BTBD2: variants seen among roughly 807,000 people sequenced by gnomAD.
BTBD2 encodes the protein BTB/POZ domain-containing protein 2.
In BTBD2, 15 loss-of-function variants were observed where a neutral mutation model predicts 44.0. The ratio of observed to expected loss-of-function variants is 0.34; its 90% confidence interval spans 0.23 to 0.53. BTBD2 has a LOEUF of 0.53. Among genes scored for constraint, BTBD2 ranks in the 20% least tolerant of loss-of-function variants. The pLI is 0.95. For synonymous variants in BTBD2, 443 were observed against 335.9 expected (o/e 1.32, Z -3.49); for missense variants, 657 against 746.4 (o/e 0.88, Z 1.39).
intron 1 of BTBD2, chr19:2,013,696 T>G (rs1423407936): frequency 3.2e-5 from 31 of 981,882 alleles, no homozygotes. Flanking sequence ...TGATCTGGAC[T>G]GCAGGGCGGG....
intron 1 of BTBD2, among the ~76,000 whole-genome samples, chr19:2,010,388 C>T (rs1475350655): frequency 1.3e-5 from 2 of 152,162 alleles, no homozygotes; most frequent in African/African-American, 2.4e-5. Context: ...CCAGAAGCCG[C>T]GTGCAACCCC....
At chr19:1,997,537 C>T (rs2016267826) in intron 1 of BTBD2, 74 bp from the exon 2 acceptor site, 2 of 1,589,150 alleles carry the variant, frequency 1.3e-6, no homozygotes, top group African/African-American at 2.7e-5. Flanking sequence ...AGCCCGGTAT[C>T]CTGGGTGACC....
At chr19:1,991,627 G>A (rs1198957066) in intron 3 of BTBD2, among the ~76,000 whole-genome samples, 2 of 152,174 alleles carry the variant, frequency 1.3e-5, no homozygotes, top group South Asian at 2.1e-4. Context: ...CAGGATGGAG[G>A]GGGAGAAGGT....
chr19:1,991,058 CAAGG>C (rs1423788036), intron 3 of BTBD2: 3 of 469,830 alleles, frequency 6.4e-6, no homozygotes, highest in Admixed American at 7.5e-5. Flanking sequence ...CCTCAGAGGC[CAAGG>C]AAGGAAGAAA....
At position 2,014,764 on chromosome 19, in the gene BTBD2, C is replaced by A. The variant is rs533551764; in HGVS notation, c.407+533G>T. 568 of 154,452 alleles carry A rather than the reference C, an allele frequency of 3.7e-3. 14 individuals are homozygous for A. Among genetic ancestry groups the A allele is most frequent in the Non-Finnish European group, 6.7e-4 (48 of 71,494 alleles). 9.6% of individuals were successfully genotyped at this position (154,452 alleles called of 1,614,324 possible). A position where few individuals can be genotyped will look rare whatever the true frequency, so the allele number is the denominator to read the frequency against. ...GGAGGGTCCCAGGAACGGAGGGTAC[C>A]GGAGTGCAGGCTGGGTGGGTCCAGG... On this transcript the variant is annotated intron_variant, in intron 1 of 8. Coordinates refer to ENST00000255608, the MANE Select transcript of BTBD2 (RefSeq NM_017797.4).
At chr19:2,013,643 G>C in intron 1 of BTBD2, 1 of 987,266 alleles carries the variant, frequency 1.0e-6, no homozygotes, top group Non-Finnish European at 1.2e-6. Context: ...GTCTCTGGCT[G>C]AGGTGGGGGT....
chr19:2,005,913 C>A lies in BTBD2; in HGVS notation c.408-8450G>T, dbSNP rs565118828. The stretch of plus-strand genomic sequence containing the variant: ...AGACCAGCCTGAGCAACACAGCAGA[C>A]CCCATCTCTACTAAACAGAAAAAAA... On this transcript the variant is annotated intron_variant, in intron 1 of 8. Coordinates refer to ENST00000255608, the MANE Select transcript of BTBD2 (RefSeq NM_017797.4). Among the ~76,000 whole-genome samples, 12 of 152,080 alleles carry A rather than the reference C, an allele frequency of 7.9e-5. No individual in the cohort carries two copies. In the South Asian group the frequency reaches 2.5e-3, roughly 32 times the overall value.
intron 7 of BTBD2, 39 bp from the exon 8 acceptor site, chr19:1,987,015 A>C: frequency 6.3e-7 from 1 of 1,599,880 alleles, no homozygotes; most frequent in Non-Finnish European, 8.5e-7. Flanking sequence ...AGGCCTGGGG[A>C]GGGCCAACGG....
rs2016204727 is a variant in BTBD2 at position 1,993,170 on chromosome 19, G to A, written c.534C>T (p.Leu178=). The A allele has an allele frequency of 1.9e-6, 3 of 1,600,384 alleles. No individual in the cohort carries two copies. Among genetic ancestry groups the A allele is most frequent in the Non-Finnish European group, 2.5e-6 (3 of 1,178,640 alleles). The change falls in exon 3 of 9, where the codon CTC becomes CTT. Residue 178 remains leucine (L), a synonymous_variant. Transcript: ENST00000255608. ...PAAFLALLKF[L]YSDEVQIGPE... ...GGCCAATCTGCACCTCGTCCGAGTA[G>A]AGAAACCTGCAGAAGCAACGCGGGT...
At chr19:1,996,632 C>T (rs1030704378) in intron 2 of BTBD2, among the ~76,000 whole-genome samples, 3 of 151,836 alleles carry the variant, frequency 2.0e-5, no homozygotes, top group Non-Finnish European at 2.9e-5. Context: ...GCCTGTAATC[C>T]CAGCACTTTG....
chr19:1,987,053 C>T, intron 7 of BTBD2, 77 bp from the exon 8 acceptor site: 6 of 1,590,412 alleles, frequency 3.8e-6, no homozygotes, highest in South Asian at 3.4e-5. Context: ...GCCCACCTGC[C>T]CAGGGTGGGG....
In BTBD2 at chr19:1,986,161, G is replaced by A. The variant is rs577128857; in HGVS notation, c.*327C>T. The A allele has an allele frequency of 1.2e-4, 41 of 345,926 alleles. No homozygotes were observed. Among genetic ancestry groups the A allele is most frequent in the Middle Eastern group, 1.6e-3 (2 of 1,230 alleles). The allele number at this position is 345,926 out of a possible 1,614,324, so 21.4% of individuals were successfully genotyped here. A position where few individuals can be genotyped will look rare whatever the true frequency, so the allele number is the denominator to read the frequency against. On this transcript the variant is annotated 3_prime_UTR_variant, in exon 9 of 9. Coordinates refer to ENST00000255608, the MANE Select transcript of BTBD2 (RefSeq NM_017797.4). ...CGAGGGACGCCCGCGGCGCACCGCC[G>A]GCAGACGACGTGGGCAGGCGCCCTG... is the stretch of plus-strand genomic sequence containing the variant.
intron 1 of BTBD2, among the ~76,000 whole-genome samples, chr19:2,005,523 T>C (rs1349594851): frequency 6.6e-6 from 1 of 152,072 alleles, no homozygotes; most frequent in Admixed American, 6.6e-5. Flanking sequence ...GGCTCATGTC[T>C]GTCATCCCAG....
At chr19:1,996,752 G>A (rs980315467) in intron 2 of BTBD2, among the ~76,000 whole-genome samples, 2 of 152,036 alleles carry the variant, frequency 1.3e-5, no homozygotes, top group Non-Finnish European at 2.9e-5. Context: ...GGGTGTGGTG[G>A]TGAACACCTG....
chr19:1,992,428 C>A (rs1019740415), intron 3 of BTBD2, among the ~76,000 whole-genome samples: 5 of 151,666 alleles, frequency 3.3e-5, no homozygotes, highest in Non-Finnish European at 7.4e-5. Context: ...TTTGTAGAAA[C>A]GGGGTCTCTC....
intron 3 of BTBD2, among the ~76,000 whole-genome samples, chr19:1,992,544 ATTTTT>A (rs1299722701): frequency 6.6e-6 from 1 of 151,646 alleles, no homozygotes; most frequent in East Asian, 1.9e-4. Flanking sequence ...CCTGCCAATA[ATTTTT>A]TGAAGTATCA....
At position 2,015,541 on chromosome 19, in the gene BTBD2, GGGCGGCGGCGGCGGCGGCGGCGGC is replaced by G. The variant is rs533915623; in HGVS notation, c.139_162del (p.Ala47_Ala54del). ...GGCGGGGCGGGCGGCGTCGGCCCAG[GGGCGGCGGCGGCGGCGGCGGCGGC>G]GGCGGCGGCGGCGGCCGCGTTGCCG... is the stretch of plus-strand genomic sequence containing the variant. On this transcript the variant is annotated inframe_deletion, in exon 1 of 9. Transcript: ENST00000255608. The G allele has an allele frequency of 2.4e-4, 219 of 911,256 alleles. No homozygotes were observed. Among genetic ancestry groups the G allele is most frequent in the South Asian group, 6.1e-4 (12 of 19,576 alleles). The allele number at this position is 911,256 out of a possible 1,614,324, so 56.4% of individuals were successfully genotyped here.
intron 4 of BTBD2, 60 bp from the exon 5 acceptor site, chr19:1,990,261 G>T (rs2016156007): frequency 1.3e-6 from 2 of 1,524,516 alleles, no homozygotes. Context: ...CCTGCAGGAG[G>T]CAGTGAGACT....
At position 1,986,821 on chromosome 19, in the gene BTBD2, G is replaced by A. The variant is rs773166427; in HGVS notation, c.1416+9C>T. ...TCCCACGGAGGGACCCCTGTCCCCG[G>A]CGGCGCACCTTGAGCGTGGCACAGG... On this transcript the variant is annotated intron_variant, in intron 8 of 8. Coordinates refer to ENST00000255608, the MANE Select transcript of BTBD2 (RefSeq NM_017797.4). 1.3e-6 allele frequency: 2 copies of A among 1,599,826 alleles called. No homozygotes were observed. Among genetic ancestry groups the A allele is most frequent in the South Asian group, 2.2e-5 (2 of 90,072 alleles).
Sources: allele counts gnomAD v4.1 joint callset (sites outside exome capture counted in the v4.1 genomes callset), GRCh38; gene constraint gnomAD v4.1.1; transcripts MANE v1.5; gene names NCBI Gene and HGNC (gene_info 2026-07-23, HGNC 2026-07-21).